MAP3K5: variants seen among roughly 807,000 people sequenced by gnomAD.
The protein encoded by MAP3K5 is mitogen-activated protein kinase kinase kinase 5, also known as ASK-1.
Under a neutral mutation model 158.7 loss-of-function variants are expected in MAP3K5, and 56 were observed. The observed-to-expected ratio is 0.35, with a 90% CI of 0.28 to 0.44. The LOEUF is 0.44. Ranked by LOEUF, MAP3K5 falls within the 20% of genes least tolerant of loss-of-function variation. MAP3K5 has a pLI of 1.00. For synonymous variants in MAP3K5, 579 were observed against 601.7 expected, an observed-to-expected ratio of 0.96 and a Z score of 0.55; for missense variants, 1,294 against 1,674.8, an observed-to-expected ratio of 0.77 and a Z score of 3.97.
chr6:136,638,811 T>C (rs1459586648), intron 13 of MAP3K5, among the ~76,000 whole-genome samples: 6 of 152,190 alleles, frequency 3.9e-5, no homozygotes, highest in African/African-American at 1.4e-4. Context: ...TGGATTCAAA[T>C]AGTAATTATT....
At chr6:136,567,577 C>A in intron 26 of MAP3K5, 54 bp downstream of exon 26, 1 of 1,537,364 alleles carries the variant, frequency 6.5e-7, no homozygotes, top group Non-Finnish European at 8.8e-7. Context: ...AAAACACATG[C>A]TCTTTAGTAA....
intron 1 of MAP3K5, among the ~76,000 whole-genome samples, chr6:136,780,589 GTGA>G (rs1784576409): frequency 6.6e-6 from 1 of 152,146 alleles, no homozygotes; most frequent in Admixed American, 6.5e-5. Flanking sequence ...GGCGCTTCCT[GTGA>G]AGAATGCACT....
intron 25 of MAP3K5, 106 bp downstream of exon 25, chr6:136,580,195 G>T: frequency 1.4e-6 from 1 of 738,766 alleles, no homozygotes; most frequent in Non-Finnish European, 2.4e-6. Flanking sequence ...TTAAAAAAGG[G>T]TATTATGGTT....
intron 25 of MAP3K5, among the ~76,000 whole-genome samples, chr6:136,573,412 T>A (rs1464191340): frequency 6.6e-6 from 1 of 152,236 alleles, no homozygotes; most frequent in Non-Finnish European, 1.5e-5. Context: ...ATGGTAGAAC[T>A]TCTCAGCCTC....
At chr6:136,680,418 T>C (rs1328021626) in intron 7 of MAP3K5, among the ~76,000 whole-genome samples, 2 of 152,246 alleles carry the variant, frequency 1.3e-5, no homozygotes, top group Non-Finnish European at 2.9e-5. Flanking sequence ...CTTAACAACT[T>C]ATCTATTTTT....
intron 1 of MAP3K5, among the ~76,000 whole-genome samples, chr6:136,776,002 C>G (rs977678762): frequency 2.6e-5 from 4 of 152,168 alleles, no homozygotes; most frequent in Non-Finnish European, 5.9e-5. Context: ...ATGATAAAAA[C>G]CTATTTCGTT....
chr6:136,595,421 G>C (rs1167147757), intron 21 of MAP3K5, among the ~76,000 whole-genome samples: 2 of 152,230 alleles, frequency 1.3e-5, no homozygotes, highest in South Asian at 2.1e-4. Flanking sequence ...GATTTTAAAT[G>C]AGTGAACCTG....
chr6:136,777,570 T>C (rs1005762418), intron 1 of MAP3K5, among the ~76,000 whole-genome samples: 2 of 152,226 alleles, frequency 1.3e-5, no homozygotes, highest in African/African-American at 4.8e-5. Flanking sequence ...ATCAACTGTA[T>C]GTATGTGACT....
At chr6:136,773,858 G>A (rs913211413) in intron 1 of MAP3K5, among the ~76,000 whole-genome samples, 1 of 152,022 alleles carries the variant, frequency 6.6e-6, no homozygotes, top group Non-Finnish European at 1.5e-5. Context: ...ACGTTGGCCA[G>A]GCTGGTCTCA....
rs181910083 is a variant in MAP3K5, at chr6:136,773,628, G to T, written c.448+18082C>A. ...TGATGCCTTCCTTTGCCCATTTTTT[G>T]TTGTTGTTGTTGTTGGTTGGTTCGT... On this transcript the variant is annotated intron_variant, in intron 1 of 29. Coordinates refer to ENST00000359015, the MANE Select transcript of MAP3K5 (RefSeq NM_005923.4). 7.4e-3 allele frequency among the ~76,000 whole-genome samples: 1,118 copies of T among 151,640 alleles called. 11 individuals carry two copies. The highest frequency in any genetic ancestry group is 0.065 in the Middle Eastern group (19 of 294).
At chr6:136,611,465 TAA>T (rs892391153) in intron 17 of MAP3K5, 78 bp from the exon 18 acceptor site, 391 of 584,452 alleles carry the variant, frequency 6.7e-4, no homozygotes, top group South Asian at 1.4e-3. Context: ...AAGTCCAATT[TAA>T]AAAAAAAAAA....
chr6:136,673,215 C>T (rs1231392427), intron 7 of MAP3K5, among the ~76,000 whole-genome samples: 1 of 152,198 alleles, frequency 6.6e-6, no homozygotes, highest in Non-Finnish European at 1.5e-5. Context: ...AATGAAAACC[C>T]AGACCCAACC....
At chr6:136,684,291 C>T (rs564192884) in intron 7 of MAP3K5, among the ~76,000 whole-genome samples, 71 of 152,004 alleles carry the variant, frequency 4.7e-4, no homozygotes, top group African/African-American at 1.6e-3. Context: ...AAGCCTCCCT[C>T]ATTAGTAACA....
rs1780463944 is a variant in MAP3K5 at position 136,693,183 on chromosome 6, C to T, written c.1253+957G>A. On this transcript the variant is annotated intron_variant, in intron 7 of 29. Transcript: ENST00000359015. ...ACTACAGATTCCATCCTTTCCTTTA[C>T]AGCTCATGAAGCTGATTCTGCCATA... Among the ~76,000 whole-genome samples, 3 of 152,300 alleles carry T rather than the reference C, an allele frequency of 2.0e-5. No individual in the cohort carries two copies. In the South Asian group the frequency reaches 6.2e-4, roughly 32 times the overall value.
intron 3 of MAP3K5, among the ~76,000 whole-genome samples, chr6:136,704,290 T>C (rs1780977447): frequency 2.0e-5 from 3 of 152,156 alleles, no homozygotes. Flanking sequence ...TCCTATACCT[T>C]ATCATGATTA....
At chr6:136,583,132 C>T (rs1304902321) in intron 24 of MAP3K5, among the ~76,000 whole-genome samples, 4 of 152,142 alleles carry the variant, frequency 2.6e-5, no homozygotes, top group African/African-American at 9.7e-5. Context: ...AAAAAATTAA[C>T]TGGTTTTATT....
intron 1 of MAP3K5, among the ~76,000 whole-genome samples, chr6:136,774,329 C>T (rs1784326058): frequency 6.6e-6 from 1 of 152,116 alleles, no homozygotes; most frequent in Non-Finnish European, 1.5e-5. Flanking sequence ...TGGCACACAC[C>T]TGTGATCCCA....
intron 1 of MAP3K5, among the ~76,000 whole-genome samples, chr6:136,725,168 T>C (rs1429700881): frequency 1.3e-5 from 2 of 152,222 alleles, no homozygotes; most frequent in East Asian, 3.8e-4. Context: ...TTGCTATTCA[T>C]GTACAAGTCT....
chr6:136,772,503 T>C (rs1784247852), intron 1 of MAP3K5, among the ~76,000 whole-genome samples: 1 of 151,866 alleles, frequency 6.6e-6, no homozygotes, highest in South Asian at 2.1e-4. Flanking sequence ...CTTTTTGAAA[T>C]GAATGAACAG....
Sources: allele counts gnomAD v4.1 joint callset (sites outside exome capture counted in the v4.1 genomes callset), GRCh38; gene constraint gnomAD v4.1.1; transcripts MANE v1.5; gene names NCBI Gene and HGNC (gene_info 2026-07-23, HGNC 2026-07-21).